COX6B2: variants seen among roughly 807,000 people sequenced by gnomAD.
COX6B2 encodes COX VIb-2.
COX6B2 carries 12 observed loss-of-function variants against 13.7 expected under a neutral mutation model. The observed-to-expected ratio is 0.87, with a 90% CI of 0.56 to 1.41. The LOEUF (loss-of-function observed/expected upper bound fraction) is 1.41, where lower values mean the gene tolerates loss of function less well. Ranked by LOEUF, COX6B2 falls within the 40% of genes most tolerant of loss-of-function variation. The pLI is 0.00. For missense variants in COX6B2, 130 were observed against 118.3 expected, an observed-to-expected ratio of 1.10 and a Z score of -0.46; for synonymous variants, 56 against 46.6, an observed-to-expected ratio of 1.20 and a Z score of -0.82.
chr19:55,354,031 G>T, intron 2 of COX6B2, 65 bp from the exon 3 acceptor site: 1 of 1,367,304 alleles, frequency 7.3e-7, no homozygotes, highest in South Asian at 1.3e-5. Flanking sequence ...CCCCTCCACT[G>T]CTCGGGCCCT....
chr19:55,350,043 C>T lies in COX6B2; in HGVS notation c.*872G>A, dbSNP rs769542725. The T allele has an allele frequency of 1.3e-5, 2 of 152,242 alleles. No homozygotes were observed. The highest frequency in any genetic ancestry group is 2.9e-5 in the Non-Finnish European group (2 of 68,068). 9.4% of individuals were successfully genotyped at this position (152,242 alleles called of 1,614,324 possible). On this transcript the variant is annotated 3_prime_UTR_variant, in exon 5 of 5. Coordinates refer to ENST00000326529, the MANE Select transcript of COX6B2 (RefSeq NM_144613.5). This position sits in a 1 kb window ranked among gnomAD's most constrained non-coding sequence, Gnocchi z 4.2. ...TCGGGAGGCTGAGGCAGGAGAATCACTTGAACCCGGGAGGCAGAGGTTGCA... is the reference window on the plus strand; with the variant it reads ...TCGGGAGGCTGAGGCAGGAGAATCATTTGAACCCGGGAGGCAGAGGTTGCA...
chr19:55,354,326 C>T, intron 2 of COX6B2, 84 bp downstream of exon 2: 1 of 1,195,900 alleles, frequency 8.4e-7, no homozygotes, highest in Non-Finnish European at 1.2e-6. Flanking sequence ...TAACGGTCTC[C>T]GCGGGACTTA....
chr19:55,353,614 C>T lies in COX6B2; in HGVS notation c.*107G>A. 6.9e-6 allele frequency: 7 copies of T among 1,011,892 alleles called. No individual in the cohort carries two copies. Among genetic ancestry groups the T allele is most frequent in the South Asian group, 1.5e-5 (1 of 67,942 alleles). 62.7% of individuals were successfully genotyped at this position (1,011,892 alleles called of 1,614,324 possible). A position where few individuals can be genotyped will look rare whatever the true frequency, so the allele number is the denominator to read the frequency against. ...ACATCAGCAACAGCATACCATTATTCGTGGCTTAGACACTGGGAGGTAGGG... is the reference window on the plus strand; with the variant it reads ...ACATCAGCAACAGCATACCATTATTTGTGGCTTAGACACTGGGAGGTAGGG... On this transcript the variant is annotated 3_prime_UTR_variant, in exon 4 of 5. Coordinates refer to ENST00000326529, the MANE Select transcript of COX6B2 (RefSeq NM_144613.5).
chr19:55,354,137 G>T, intron 2 of COX6B2, 171 bp from the exon 3 acceptor site: 1 of 650,402 alleles, frequency 1.5e-6, no homozygotes. Context: ...CCCTCACACT[G>T]CTCCTCCTAC....
rs144019446 is a variant in COX6B2, at chr19:55,354,433, C to A, written c.89G>T (p.Arg30Leu). 1 of 1,613,780 alleles carries A rather than the reference C, an allele frequency of 6.2e-7. No homozygotes were observed. Among genetic ancestry groups the A allele is most frequent in the Non-Finnish European group, 8.5e-7 (1 of 1,179,904 alleles). The change falls in exon 2 of 5, where the codon CGT (arginine) becomes CTT (leucine). Residue 30 changes from arginine (R) to leucine (L), a missense_variant. Coordinates refer to ENST00000326529, the MANE Select transcript of COX6B2 (RefSeq NM_144613.5). ...DPRFPSQNQI[R>L]NCYQNFLDYH... ...ACCCAGGAAGTTCTGGTAGCAGTTA[C>A]GGATCTGGTTCTGGCTGGGGAAGCG...
Position 55,354,433 on chromosome 19 carries a change from C to T in COX6B2, c.89G>A (p.Arg30His), listed in dbSNP as rs144019446. The T allele has an allele frequency of 1.2e-4, 188 of 1,613,780 alleles. No individual in the cohort carries two copies. The highest frequency in any genetic ancestry group is 1.5e-4 in the Non-Finnish European group (176 of 1,179,904). ...DPRFPSQNQI[R>H]NCYQNFLDYH... ...ACCCAGGAAGTTCTGGTAGCAGTTA[C>T]GGATCTGGTTCTGGCTGGGGAAGCG... is the stretch of plus-strand genomic sequence containing the variant. The change falls in exon 2 of 5, where the codon CGT becomes CAT. Residue 30 changes from arginine to histidine, a missense_variant. Physicochemically the swap from Arg to His is conservative, Grantham distance 29 (BLOSUM62 0). Transcript: ENST00000326529.
At position 55,352,265 on chromosome 19, in the gene COX6B2, G is replaced by A. The variant is rs1347673080; in HGVS notation, c.*114+1342C>T. 1.3e-5 allele frequency: 2 copies of A among 152,250 alleles called. No individual in the cohort carries two copies. The highest frequency in any genetic ancestry group is 4.8e-5 in the African/African-American group (2 of 41,420). The allele number at this position is 152,250 out of a possible 1,614,324, so 9.4% of individuals were successfully genotyped here. ...TTCTTGGGTTGTGGTCAGAGACGGA[G>A]CCAGGAGACCAAGATCTCAGAGGTG... On this transcript the variant is annotated intron_variant, in intron 4 of 4. Transcript: ENST00000326529. This position sits in a 1 kb window ranked among gnomAD's most constrained non-coding sequence, Gnocchi z 6.2.
chr19:55,354,099 C>G (rs994523026), intron 2 of COX6B2, 133 bp from the exon 3 acceptor site: 14 of 812,138 alleles, frequency 1.7e-5, no homozygotes, highest in Non-Finnish European at 2.8e-5. Flanking sequence ...CCGTCCCGCC[C>G]CTCCCAGCCA....
intron 4 of COX6B2, chr19:55,351,967 G>C (rs1037209038): frequency 3.3e-5 from 5 of 153,836 alleles, no homozygotes; most frequent in African/African-American, 1.2e-4. Flanking sequence ...ATGGGAGGAG[G>C]AGGAAGGAGG....
In COX6B2 at chr19:55,354,554, G is replaced by A. The variant is rs781021000; in HGVS notation, c.-18-15C>T. The A allele has an allele frequency of 2.7e-6, 4 of 1,505,862 alleles. No homozygotes were observed. Among genetic ancestry groups the A allele is most frequent in the African/African-American group, 1.4e-5 (1 of 72,884 alleles). The allele number at this position is 1,505,862 out of a possible 1,614,324, so 93.3% of individuals were successfully genotyped here. ...GGAGGCAACTCCTGCGAGACGGGAC[G>A]GGACGGGGACTCCGTGGGGCCGAGG... is the stretch of plus-strand genomic sequence containing the variant. On this transcript the variant is annotated splice_polypyrimidine_tract_variant and intron_variant, in intron 1 of 4. Coordinates refer to ENST00000326529, the MANE Select transcript of COX6B2 (RefSeq NM_144613.5).
Position 55,352,987 on chromosome 19 carries a change from G to T in COX6B2, c.*114+620C>A. 6.5e-6 allele frequency: 1 copy of T among 154,030 alleles called. No individual in the cohort carries two copies. The highest frequency in any genetic ancestry group is 1.4e-5 in the Non-Finnish European group (1 of 69,016). The allele number at this position is 154,030 out of a possible 1,614,324, so 9.5% of individuals were successfully genotyped here. A position where few individuals can be genotyped will look rare whatever the true frequency, so the allele number is the denominator to read the frequency against. ...AGAACTGAGCAGGCTGCTACGCCTGGCTGTGGGTGCGGGTGCCGAAAGCGT... is the reference window on the plus strand; with the variant it reads ...AGAACTGAGCAGGCTGCTACGCCTGTCTGTGGGTGCGGGTGCCGAAAGCGT... On this transcript the variant is annotated intron_variant, in intron 4 of 4. Coordinates refer to ENST00000326529, the MANE Select transcript of COX6B2 (RefSeq NM_144613.5). This position sits in a 1 kb window ranked among gnomAD's most constrained non-coding sequence, Gnocchi z 6.2.
chr19:55,353,544 C>A (rs1056084533), intron 4 of COX6B2, 63 bp downstream of exon 4: 4 of 659,224 alleles, frequency 6.1e-6, no homozygotes, highest in Non-Finnish European at 1.0e-5. Context: ...CACGGAGGAT[C>A]CCCACCACCA....
rs1041937201 is a variant in COX6B2 at position 55,353,943 on chromosome 19, T to C, written c.136A>G (p.Arg46Gly). Residue 46 changes from arginine to glycine, a missense_variant, in exon 3 of 5, where the codon AGG (arginine) becomes GGG (glycine). Transcript: ENST00000326529. ...TGCGTGCTCTTCCCGCGGCGGGTCC[T>C]GGTCTTGAGGCAGCGGTGGTAGTCT... ...FLDYHRCLKT[R>G]TRRGKSTQPC... The C allele has an allele frequency of 1.3e-6, 2 of 1,555,704 alleles. No homozygotes were observed. The highest frequency in any genetic ancestry group is 1.7e-6 in the Non-Finnish European group (2 of 1,153,096).
At chr19:55,354,248 G>C (rs937002532) in intron 2 of COX6B2, 162 bp downstream of exon 2, 19 of 625,484 alleles carry the variant, frequency 3.0e-5, no homozygotes, top group Non-Finnish European at 4.6e-5. Context: ...CGCCCCTCCA[G>C]GCTCAGCCCC....
intron 3 of COX6B2, 37 bp downstream of exon 3, chr19:55,353,829 G>A (rs758667483): frequency 3.1e-6 from 5 of 1,588,670 alleles, no homozygotes; most frequent in Non-Finnish European, 4.3e-6. Context: ...GCCGAGCCCT[G>A]CACACGCCTG....
At chr19:55,354,043 C>T in intron 2 of COX6B2, 77 bp from the exon 3 acceptor site, 1 of 1,299,792 alleles carries the variant, frequency 7.7e-7, no homozygotes, top group Non-Finnish European at 1.1e-6. Flanking sequence ...TCGGGCCCTC[C>T]CAGTTCTTCG....
Position 55,354,139 on chromosome 19 carries a change from T to TCCTCCTACCCAGACCCTGCC in COX6B2, c.113-193_113-174dup, listed in dbSNP as rs1379310454. 3.8e-5 allele frequency: 23 copies of TCCTCCTACCCAGACCCTGCC among 608,206 alleles called. No homozygotes were observed. The African/African-American group carries it at 5.7e-4, about 15-fold the overall frequency. The allele number at this position is 608,206 out of a possible 1,614,324, so 37.7% of individuals were successfully genotyped here. ...CCGACCCCTACCTCCCTCACACTGC[T>TCCTCCTACCCAGACCCTGCC]CCTCCTACCCAGACCCTGCCCCTAC... is the stretch of plus-strand genomic sequence containing the variant. On this transcript the variant is annotated intron_variant, in intron 2 of 4. Coordinates refer to ENST00000326529, the MANE Select transcript of COX6B2 (RefSeq NM_144613.5).
chr19:55,353,791 C>T lies in COX6B2; in HGVS notation c.214-17G>A, dbSNP rs369466477. 528 of 1,604,548 alleles carry T rather than the reference C, an allele frequency of 3.3e-4. No homozygotes were observed. The highest frequency in any genetic ancestry group is 4.3e-4 in the Non-Finnish European group (503 of 1,175,760). The stretch of plus-strand genomic sequence containing the variant: ...GCTCTCCACCTGGGAAGCAGAAAGG[C>T]AGGGAGCGGGACGCCGGCTCAGCCT... On this transcript the variant is annotated splice_polypyrimidine_tract_variant and intron_variant, in intron 3 of 4. Transcript: ENST00000326529.
rs201970981 is a variant in COX6B2 at position 55,354,399 on chromosome 19, G to A, written c.112+11C>T. ...CCTGCTCCTCCCATAACCTGGCTGA[G>A]CAGGTCTCACCCAGGAAGTTCTGGT... On this transcript the variant is annotated intron_variant, in intron 2 of 4. Transcript: ENST00000326529. The A allele has an allele frequency of 2.7e-5, 44 of 1,603,268 alleles. No homozygotes were observed. In the East Asian group the frequency reaches 9.4e-4, roughly 34 times the overall value.
Sources: allele counts gnomAD v4.1 joint callset, GRCh38; gene constraint gnomAD v4.1.1; non-coding constraint Gnocchi (gnomAD v3.1); transcripts MANE v1.5; gene names NCBI Gene and HGNC (gene_info 2026-07-23, HGNC 2026-07-21).